Variants in FRMPD4 observed in about 807,000 individuals in gnomAD.
FRMPD4 encodes FERM and PDZ domain-containing protein 4.
A neutral mutation model predicts 94.1 loss-of-function variants in FRMPD4; 22 were observed. That is an observed-to-expected ratio of 0.23 (90% CI 0.17 to 0.33). The LOEUF (loss-of-function observed/expected upper bound fraction) is 0.33, where lower values mean the gene tolerates loss of function less well. FRMPD4 is among the 10% of genes least tolerant of loss of function. The probability of loss-of-function intolerance (pLI) is 1.00; values close to 1 mark genes in which losing one functional copy is unlikely to be tolerated. For synonymous variants in FRMPD4, 631 were observed against 548.6 expected (o/e 1.15, Z -2.10); for missense variants, 1,111 against 1,339.9 (o/e 0.83, Z 2.67).
At chrX:12,656,001 A>C (rs182383016) in intron 4 of FRMPD4, among the ~76,000 whole-genome samples, 1 of 112,284 alleles carries the variant, frequency 8.9e-6, no homozygotes, top group Admixed American at 9.4e-5. Context: ...ACATTACTGT[A>C]AGACATTCTT....
At chrX:11,959,223 G>A (rs1277411694) in intron 3 of FRMPD4, among the ~76,000 whole-genome samples, 1 of 112,346 alleles carries the variant, frequency 8.9e-6, no homozygotes, top group Non-Finnish European at 1.9e-5. Context: ...AAGGGTTGCA[G>A]CCTGCAGGGT....
chrX:12,190,056 C>A (rs1223984276), intron 1 of FRMPD4, among the ~76,000 whole-genome samples: 2 of 111,240 alleles, frequency 1.8e-5, no homozygotes, highest in Non-Finnish European at 3.8e-5. Context: ...TAATTGCTTT[C>A]CTATATACCA....
chrX:11,981,265 T>A (rs2054395698), intron 3 of FRMPD4, among the ~76,000 whole-genome samples: 1 of 112,165 alleles, frequency 8.9e-6, no homozygotes, highest in African/African-American at 3.2e-5. Flanking sequence ...CTGAATTTTT[T>A]GTCTATTTGA....
intron 3 of FRMPD4, among the ~76,000 whole-genome samples, chrX:12,072,641 G>C (rs1328029742): frequency 9.0e-6 from 1 of 111,272 alleles, no homozygotes; most frequent in African/African-American, 3.3e-5. Flanking sequence ...CTGAAAATGT[G>C]GACAATAGAC....
At chrX:11,900,809 T>C (rs1402166961) in intron 3 of FRMPD4, among the ~76,000 whole-genome samples, 1 of 111,100 alleles carries the variant, frequency 9.0e-6, no homozygotes, top group Admixed American at 9.5e-5. Flanking sequence ...TAAGATGCTG[T>C]GATTGGAGAA....
At chrX:12,475,543 T>C (rs1306420151) in intron 1 of FRMPD4, among the ~76,000 whole-genome samples, 1 of 112,028 alleles carries the variant, frequency 8.9e-6, no homozygotes, top group Non-Finnish European at 1.9e-5. Flanking sequence ...GCAGATGACA[T>C]GATTGTATAT....
intron 13 of FRMPD4, among the ~76,000 whole-genome samples, chrX:12,708,468 CAAA>C (rs35569007): frequency 1.7e-5 from 1 of 59,298 alleles, no homozygotes; most frequent in African/African-American, 6.4e-5. Flanking sequence ...GACTCCATCT[CAAA>C]AAAAAAAAAA....
In FRMPD4 at chrX:12,704,395, T is replaced by C. The variant is rs199769181; in HGVS notation, c.1107T>C (p.Ala369=). 3 of 1,183,632 alleles carry C rather than the reference T, an allele frequency of 2.5e-6. No homozygotes were observed. The highest frequency in any genetic ancestry group is 3.4e-6 in the Non-Finnish European group (3 of 874,018). Residue 369 remains alanine, a synonymous_variant, in exon 11 of 17, where the codon GCT becomes GCC. Coordinates refer to ENST00000675598, the MANE Select transcript of FRMPD4 (RefSeq NM_001368397.1). Reference sequence around the variant, plus strand: ...GATTAGAGACTTTTCTTCCCTCTGCTGTGCTGCAAAGCATGAAAGAGAAGA... The same window carrying C: ...GATTAGAGACTTTTCTTCCCTCTGCCGTGCTGCAAAGCATGAAAGAGAAGA... ...EWGLETFLPS[A]VLQSMKEKNI... is the part of the protein sequence containing the mutation.
At chrX:11,843,962 C>T (rs1351469824) in intron 1 of FRMPD4, among the ~76,000 whole-genome samples, 2 of 100,485 alleles carry the variant, frequency 2.0e-5, no homozygotes, top group Non-Finnish European at 4.0e-5. Context: ...TAAGGCAGAT[C>T]TGATAGTTAT....
intron 1 of FRMPD4, among the ~76,000 whole-genome samples, chrX:12,483,371 T>C (rs1223220897): frequency 8.9e-6 from 1 of 111,757 alleles, no homozygotes; most frequent in Admixed American, 9.5e-5. Context: ...TAGGTTATAT[T>C]GGGTTGGAGT....
chrX:11,845,954 CT>C (rs1237782216), intron 1 of FRMPD4, among the ~76,000 whole-genome samples: 1 of 106,091 alleles, frequency 9.4e-6, no homozygotes, highest in Admixed American at 1.0e-4. Flanking sequence ...GAAGCATTCC[CT>C]ATGAAAACTG....
intron 1 of FRMPD4, among the ~76,000 whole-genome samples, chrX:11,854,608 C>G (rs1391307359): frequency 8.9e-6 from 1 of 112,385 alleles, no homozygotes; most frequent in Non-Finnish European, 1.9e-5. Context: ...GGCTACAAGC[C>G]CCTGCAAGTC....
chrX:12,240,244 A>G (rs2147791396), intron 1 of FRMPD4, among the ~76,000 whole-genome samples: 1 of 112,101 alleles, frequency 8.9e-6, no homozygotes, highest in African/African-American at 3.2e-5. Context: ...CTTGCCCTTT[A>G]CAGAAAAAGT....
intron 1 of FRMPD4, among the ~76,000 whole-genome samples, chrX:12,344,903 C>G (rs2055676813): frequency 8.9e-6 from 1 of 112,176 alleles, no homozygotes; most frequent in Non-Finnish European, 1.9e-5. Context: ...GCACCCCCAT[C>G]TAAGCACACA....
At chrX:12,366,375 C>A (rs1341453824) in intron 1 of FRMPD4, among the ~76,000 whole-genome samples, 1 of 111,211 alleles carries the variant, frequency 9.0e-6, no homozygotes, top group Non-Finnish European at 1.9e-5. Context: ...AGGCTGTAGG[C>A]AACCAGTGGG....
At chrX:12,504,662 A>G (rs1274972425) in intron 2 of FRMPD4, among the ~76,000 whole-genome samples, 1 of 112,467 alleles carries the variant, frequency 8.9e-6, no homozygotes, top group African/African-American at 3.2e-5. Context: ...TCCCAGCTGG[A>G]AGGTAAGTTT....
At chrX:11,895,817 T>C (rs755410429) in intron 3 of FRMPD4, among the ~76,000 whole-genome samples, 2 of 112,051 alleles carry the variant, frequency 1.8e-5, no homozygotes, top group Non-Finnish European at 3.8e-5. Flanking sequence ...CTCACATAAG[T>C]TGTTTTCTTC....
intron 3 of FRMPD4, among the ~76,000 whole-genome samples, chrX:11,899,936 G>A (rs145207118): frequency 0.012 from 1,310 of 111,850 alleles, 15 homozygotes; most frequent in Non-Finnish European, 0.02. Context: ...TATCACCATT[G>A]CTATACCCTA....
chrX:12,134,522 T>C (rs2055580893), upstream of FRMPD4, among the ~76,000 whole-genome samples: 1 of 112,104 alleles, frequency 8.9e-6, no homozygotes, highest in African/African-American at 3.2e-5. Flanking sequence ...TGCTTGGGGC[T>C]CTCTCTATTG....
Sources: allele counts gnomAD v4.1 joint callset (sites outside exome capture counted in the v4.1 genomes callset), GRCh38; gene constraint gnomAD v4.1.1; transcripts MANE v1.5; gene names NCBI Gene and HGNC (gene_info 2026-07-23, HGNC 2026-07-21).